HS6ST3: variants seen among roughly 807,000 people sequenced by gnomAD.
HS6ST3 encodes heparan sulfate 6-O-sulfotransferase 3.
In HS6ST3, 12 loss-of-function variants were observed where a neutral mutation model predicts 36.7. That is an observed-to-expected ratio of 0.33 (90% CI 0.21 to 0.53). HS6ST3 has a LOEUF of 0.53. Among genes scored for constraint, HS6ST3 ranks in the 20% least tolerant of loss-of-function variants. The pLI is 0.95. For synonymous variants in HS6ST3, 240 were observed against 257.5 expected (o/e 0.93, Z 0.65); for missense variants, 584 against 640.9 (o/e 0.91, Z 0.96).
At chr13:96,298,315 C>T (rs1219017533) in intron 1 of HS6ST3, among the ~76,000 whole-genome samples, 2 of 152,072 alleles carry the variant, frequency 1.3e-5, no homozygotes, top group Non-Finnish European at 2.9e-5. Flanking sequence ...CATGGTTTGG[C>T]GTGTGCACAC....
At chr13:96,112,773 C>CAAAT (rs1290025557) in intron 1 of HS6ST3, among the ~76,000 whole-genome samples, 27 of 149,850 alleles carry the variant, frequency 1.8e-4, no homozygotes, top group African/African-American at 6.6e-4. Flanking sequence ...TTTCAACAAA[C>CAAAT]AAACAAACAG....
intron 1 of HS6ST3, among the ~76,000 whole-genome samples, chr13:96,630,242 C>CTG (rs2056527358): frequency 1.3e-5 from 2 of 152,000 alleles, no homozygotes; most frequent in South Asian, 4.2e-4. Flanking sequence ...TGTGCTGTTT[C>CTG]TGTGTGTGTG....
chr13:96,313,567 G>A (rs753380169), intron 1 of HS6ST3, among the ~76,000 whole-genome samples: 6 of 151,890 alleles, frequency 4.0e-5, no homozygotes, highest in Non-Finnish European at 8.8e-5. Context: ...ACCTTCAATG[G>A]TGTCTTCCCT....
intron 1 of HS6ST3, among the ~76,000 whole-genome samples, chr13:96,138,178 T>A (rs188002833): frequency 6.6e-6 from 1 of 152,184 alleles, no homozygotes; most frequent in African/African-American, 2.4e-5. Context: ...AGCACAGGAA[T>A]TGAAATGTCA....
chr13:96,252,948 A>G (rs957660225), intron 1 of HS6ST3, among the ~76,000 whole-genome samples: 1 of 151,772 alleles, frequency 6.6e-6, no homozygotes, highest in Non-Finnish European at 1.5e-5. Flanking sequence ...AGCTAATTAA[A>G]CCTCTTTTCT....
chr13:96,128,475 C>T (rs561871782), intron 1 of HS6ST3, among the ~76,000 whole-genome samples: 4 of 152,146 alleles, frequency 2.6e-5, no homozygotes, highest in African/African-American at 7.2e-5. Flanking sequence ...AGCTGGATGT[C>T]GGCTGAGGCT....
At chr13:96,366,834 T>C (rs568105742) in intron 1 of HS6ST3, among the ~76,000 whole-genome samples, 2 of 152,170 alleles carry the variant, frequency 1.3e-5, no homozygotes, top group Non-Finnish European at 2.9e-5. Flanking sequence ...AATTGAATCA[T>C]GGGGGCAGTT....
At chr13:96,268,496 C>T (rs1927795) in intron 1 of HS6ST3, among the ~76,000 whole-genome samples, 83,729 of 151,564 alleles carry the variant, frequency 0.55, 24,049 homozygotes, top group African/African-American at 0.69. Flanking sequence ...GTTCCTCCCA[C>T]GACACATGGG....
At chr13:96,493,307 A>G (rs531538735) in intron 1 of HS6ST3, among the ~76,000 whole-genome samples, 1 of 152,296 alleles carries the variant, frequency 6.6e-6, no homozygotes, top group East Asian at 1.9e-4. Flanking sequence ...TTTCTCTCAA[A>G]GATTTCAAAG....
At chr13:96,531,774 T>C (rs1384806359) in intron 1 of HS6ST3, among the ~76,000 whole-genome samples, 1 of 152,194 alleles carries the variant, frequency 6.6e-6, no homozygotes, top group Non-Finnish European at 1.5e-5. Context: ...TAAAAGCCAC[T>C]AGAAGTCAAG....
chr13:96,458,937 G>T (rs1304154244), intron 1 of HS6ST3, among the ~76,000 whole-genome samples: 1 of 151,264 alleles, frequency 6.6e-6, no homozygotes, highest in Non-Finnish European at 1.5e-5. Context: ...ATCCCCGTTT[G>T]TACTAAAAAT....
In HS6ST3 at chr13:96,377,747, G is replaced by A. The variant is rs147759279; in HGVS notation, c.707+286178G>A. Among the ~76,000 whole-genome samples, 119 of 152,298 alleles carry A rather than the reference G, an allele frequency of 7.8e-4. 3 individuals are homozygous for A. Among genetic ancestry groups the A allele is most frequent in the African/African-American group, 2.8e-3 (116 of 41,584 alleles). On this transcript the variant is annotated intron_variant, in intron 1 of 1. Coordinates refer to ENST00000376705, the MANE Select transcript of HS6ST3 (RefSeq NM_153456.4). ...AACAATGTAAGCATTGTTGTCAAAA[G>A]AGCAAGAAAATTAAATGACTGTGAT...
chr13:96,728,883 C>T (rs549367750), intron 1 of HS6ST3, among the ~76,000 whole-genome samples: 2 of 152,290 alleles, frequency 1.3e-5, no homozygotes, highest in South Asian at 4.1e-4. Context: ...TTACCTTCCT[C>T]CTTCATTCAG....
intron 1 of HS6ST3, among the ~76,000 whole-genome samples, chr13:96,762,706 G>A (rs1877000832): frequency 6.6e-6 from 1 of 152,102 alleles, no homozygotes; most frequent in Non-Finnish European, 1.5e-5. Flanking sequence ...TGGCTCAAGG[G>A]CTCTTATCAA....
intron 1 of HS6ST3, among the ~76,000 whole-genome samples, chr13:96,198,154 A>G (rs2033226836): frequency 6.6e-6 from 1 of 152,192 alleles, no homozygotes; most frequent in East Asian, 1.9e-4. Context: ...AGCCTGAGCT[A>G]CATGTTAGTC....
chr13:96,418,574 T>A (rs2055546279), intron 1 of HS6ST3, among the ~76,000 whole-genome samples: 1 of 152,156 alleles, frequency 6.6e-6, no homozygotes, highest in South Asian at 2.1e-4. Flanking sequence ...TCTGACCTCC[T>A]CTTTCTTCCT....
intron 1 of HS6ST3, among the ~76,000 whole-genome samples, chr13:96,304,707 C>T (rs201965278): frequency 0.01 from 926 of 92,014 alleles, 19 homozygotes; most frequent in African/African-American, 0.038. Context: ...TTCTTTCTTT[C>T]TTTCTTTTTT....
At chr13:96,822,816 C>T (rs1413779018) in intron 1 of HS6ST3, among the ~76,000 whole-genome samples, 1 of 152,206 alleles carries the variant, frequency 6.6e-6, no homozygotes, top group Non-Finnish European at 1.5e-5. Flanking sequence ...TGAATATAAT[C>T]GGGTGAGGGA....
At chr13:96,237,924 C>T (rs1262646339) in intron 1 of HS6ST3, among the ~76,000 whole-genome samples, 1 of 152,110 alleles carries the variant, frequency 6.6e-6, no homozygotes, top group African/African-American at 2.4e-5. Context: ...GTCAGCTAAA[C>T]CTGGGCCTTG....
Sources: allele counts gnomAD v4.1 joint callset (sites outside exome capture counted in the v4.1 genomes callset), GRCh38; gene constraint gnomAD v4.1.1; transcripts MANE v1.5; gene names NCBI Gene and HGNC (gene_info 2026-07-23, HGNC 2026-07-21).